CSMD1: variants seen among roughly 807,000 people sequenced by gnomAD.
The protein encoded by CSMD1 is CUB and Sushi multiple domains 1.
A neutral mutation model predicts 417.5 loss-of-function variants in CSMD1; 213 were observed. That is an observed-to-expected ratio of 0.51 (90% CI 0.46 to 0.57). The LOEUF (loss-of-function observed/expected upper bound fraction) is 0.57. Ranked by LOEUF, CSMD1 falls within the 20% of genes least tolerant of loss-of-function variation. The pLI is 0.00. For synonymous variants in CSMD1, 2,862 were observed against 1,736.8 expected, an observed-to-expected ratio of 1.65 and a Z score of -16.11; for missense variants, 6,923 against 4,529.7, an observed-to-expected ratio of 1.53 and a Z score of -15.17.
intron 6 of CSMD1, among the ~76,000 whole-genome samples, chr8:3,712,314 G>A (rs551552185): frequency 1.1e-4 from 16 of 151,766 alleles, no homozygotes; most frequent in Middle Eastern, 3.4e-3. Context: ...CCCTTCCCTC[G>A]CCTCTTCCTC....
intron 8 of CSMD1, among the ~76,000 whole-genome samples, chr8:3,604,474 G>T (rs1338436318): frequency 6.6e-6 from 1 of 152,140 alleles, no homozygotes; most frequent in African/African-American, 2.4e-5. Context: ...GAAAACACGA[G>T]AAGGATCATA....
intron 5 of CSMD1, among the ~76,000 whole-genome samples, chr8:3,778,368 T>A (rs1446796960): frequency 6.6e-6 from 1 of 152,196 alleles, no homozygotes; most frequent in Non-Finnish European, 1.5e-5. Flanking sequence ...TGGAATCATT[T>A]CGGTAAGAAG....
chr8:4,983,477 G>A (rs893129924), intron 1 of CSMD1, among the ~76,000 whole-genome samples: 1 of 152,190 alleles, frequency 6.6e-6, no homozygotes, highest in Non-Finnish European at 1.5e-5. Flanking sequence ...GATTTATGAA[G>A]TCCAAACAAT....
At chr8:4,233,973 G>T (rs1448154167) in intron 3 of CSMD1, among the ~76,000 whole-genome samples, 1 of 151,930 alleles carries the variant, frequency 6.6e-6, no homozygotes, top group African/African-American at 2.4e-5. Flanking sequence ...TAAAACGGCG[G>T]GGGGTGGGGG....
chr8:4,057,097 T>G (rs1294750198), intron 3 of CSMD1, among the ~76,000 whole-genome samples: 1 of 152,228 alleles, frequency 6.6e-6, no homozygotes, highest in Admixed American at 6.5e-5. Context: ...TCTAGATCCC[T>G]GAGGAATCGC....
At chr8:4,128,206 G>C (rs182866869) in intron 3 of CSMD1, among the ~76,000 whole-genome samples, 5 of 152,136 alleles carry the variant, frequency 3.3e-5, no homozygotes, top group African/African-American at 7.2e-5. Flanking sequence ...TGAGAAAACA[G>C]CAGCTCCTCC....
chr8:3,173,229 T>C (rs1267038894), intron 37 of CSMD1, among the ~76,000 whole-genome samples: 2 of 152,206 alleles, frequency 1.3e-5, no homozygotes, highest in Non-Finnish European at 2.9e-5. Flanking sequence ...TATTAGTTTT[T>C]TGTGTTACAC....
intron 22 of CSMD1, among the ~76,000 whole-genome samples, chr8:3,343,907 A>C (rs148035508): frequency 9.2e-5 from 14 of 152,296 alleles, no homozygotes; most frequent in African/African-American, 3.4e-4. Flanking sequence ...GAATGCACTA[A>C]AGGACAACAA....
intron 3 of CSMD1, among the ~76,000 whole-genome samples, chr8:4,265,194 G>C (rs1804162872): frequency 6.6e-6 from 1 of 151,522 alleles, no homozygotes; most frequent in Admixed American, 6.6e-5. Flanking sequence ...AAGTAGCAAA[G>C]TGTAACAGTA....
At chr8:4,033,265 C>A (rs1171330094) in intron 3 of CSMD1, among the ~76,000 whole-genome samples, 2 of 151,652 alleles carry the variant, frequency 1.3e-5, no homozygotes, top group Admixed American at 6.6e-5. Context: ...ACGGTGAAAC[C>A]CTGTCTCTAC....
intron 7 of CSMD1, among the ~76,000 whole-genome samples, chr8:3,687,013 G>C (rs867736983): frequency 6.6e-6 from 1 of 152,174 alleles, no homozygotes; most frequent in Middle Eastern, 3.2e-3. Context: ...AGATGTGACT[G>C]GTCAAGTAGG....
intron 1 of CSMD1, among the ~76,000 whole-genome samples, chr8:4,771,815 T>A (rs757392726): frequency 2.6e-5 from 4 of 152,184 alleles, no homozygotes; most frequent in Non-Finnish European, 5.9e-5. Context: ...TTTGTTTTTA[T>A]TTCCATCAAC....
intron 3 of CSMD1, among the ~76,000 whole-genome samples, chr8:4,200,124 A>G (rs960936371): frequency 6.6e-6 from 1 of 152,216 alleles, no homozygotes; most frequent in African/African-American, 2.4e-5. Flanking sequence ...CAACTGAATG[A>G]GATTTCCTTC....
chr8:4,617,179 A>G (rs942530017), intron 2 of CSMD1, among the ~76,000 whole-genome samples: 1 of 152,186 alleles, frequency 6.6e-6, no homozygotes, highest in Admixed American at 6.5e-5. Flanking sequence ...CTCTTATGCC[A>G]CTTTGATTTA....
chr8:4,189,185 G>A (rs190333147), intron 3 of CSMD1, among the ~76,000 whole-genome samples: 1 of 152,242 alleles, frequency 6.6e-6, no homozygotes, highest in Admixed American at 6.5e-5. Flanking sequence ...CAGCACGTAA[G>A]TGCCCAGCTA....
chr8:4,437,449 C>T (rs1798211718), intron 2 of CSMD1, among the ~76,000 whole-genome samples: 1 of 152,258 alleles, frequency 6.6e-6, no homozygotes, highest in Non-Finnish European at 1.5e-5. Context: ...AAATCAGAAA[C>T]ATTCACCAAA....
chr8:3,036,005 A>AT (rs1304446504), intron 50 of CSMD1, among the ~76,000 whole-genome samples: 4 of 152,172 alleles, frequency 2.6e-5, no homozygotes, highest in Non-Finnish European at 5.9e-5. Flanking sequence ...TGGTTGACAC[A>AT]TTTTTGTTCT....
chr8:4,745,216 C>G (rs1254301184), intron 1 of CSMD1, among the ~76,000 whole-genome samples: 3 of 152,124 alleles, frequency 2.0e-5, no homozygotes, highest in Admixed American at 6.5e-5. Flanking sequence ...AAAGTTATAG[C>G]TATCCAGTTG....
chr8:3,335,622 G>C lies in CSMD1; in HGVS notation c.3631+7672C>G, dbSNP rs1053464324. 3.9e-5 allele frequency among the ~76,000 whole-genome samples: 6 copies of C among 152,270 alleles called. No individual in the cohort carries two copies. The East Asian group carries it at 1.2e-3, about 29-fold the overall frequency. The stretch of plus-strand genomic sequence containing the variant: ...AACCTGAGAGGTGGAAGTGCAATGA[G>C]TCGAGCTCGTGCCATTGCACTCCAG... On this transcript the variant is annotated intron_variant, in intron 23 of 69. Transcript: ENST00000635120.
Sources: gnomAD v4.1 joint callset for allele counts (sites outside exome capture counted in the v4.1 genomes callset) on GRCh38, gnomAD v4.1.1 for gene constraint, MANE v1.5 for transcripts, NCBI Gene and HGNC (gene_info 2026-07-23, HGNC 2026-07-21) for gene names.